NIBAN1: variants seen among roughly 807,000 people sequenced by gnomAD.
NIBAN1 encodes niban apoptosis regulator 1.
NIBAN1 carries 81 observed loss-of-function variants against 75.1 expected under a neutral mutation model. That is an observed-to-expected ratio of 1.08 (90% CI 0.90 to 1.30). The LOEUF (loss-of-function observed/expected upper bound fraction) is 1.30. Among genes scored for constraint, NIBAN1 ranks in the 50% most tolerant of loss-of-function variants. The pLI, the probability that NIBAN1 is intolerant of heterozygous loss-of-function variation, is 0.00. For missense variants in NIBAN1, 1,133 were observed against 1,128.1 expected, an observed-to-expected ratio of 1.00 and a Z score of -0.06; for synonymous variants, 436 against 424.8, an observed-to-expected ratio of 1.03 and a Z score of -0.32.
intron 1 of NIBAN1, among the ~76,000 whole-genome samples, chr1:184,901,340 T>C (rs1320560698): frequency 2.0e-5 from 3 of 152,216 alleles, no homozygotes; most frequent in Non-Finnish European, 4.4e-5. Context: ...TGCTTTTGCT[T>C]GCTCTGTGCA....
At chr1:184,824,538 G>C (rs1456192338) in intron 6 of NIBAN1, among the ~76,000 whole-genome samples, 2 of 152,200 alleles carry the variant, frequency 1.3e-5, no homozygotes, top group African/African-American at 4.8e-5. Context: ...AAAAGGGAAA[G>C]GCTGGCACTG....
At chr1:184,943,981 A>G (rs1658160710) in intron 1 of NIBAN1, among the ~76,000 whole-genome samples, 1 of 152,182 alleles carries the variant, frequency 6.6e-6, no homozygotes, top group Admixed American at 6.5e-5. Context: ...AGACATATGG[A>G]AAAATCATAC....
rs763205107 is a variant in NIBAN1, at chr1:184,823,641, A to T, written c.819T>A (p.Leu273=). The T allele has an allele frequency of 4.3e-6, 7 of 1,614,138 alleles. 1 individual carries two copies. In the South Asian group the frequency reaches 6.6e-5, roughly 15 times the overall value. Residue 273 remains leucine (L), a synonymous_variant, in exon 7 of 14, where the codon CTT becomes CTA. Coordinates refer to ENST00000367511, the MANE Select transcript of NIBAN1 (RefSeq NM_052966.4). ...GKKNDRKRTW[L]GLLEEAYTLV... is the part of the protein sequence containing the mutation. The stretch of plus-strand genomic sequence containing the variant: ...GTAGAGCAAAACCATTGCTTACACC[A>T]AGCCACGTCCTCTTTCTGTCATTCT...
intron 5 of NIBAN1, among the ~76,000 whole-genome samples, chr1:184,874,505 A>G (rs1656184951): frequency 6.6e-6 from 1 of 152,090 alleles, no homozygotes; most frequent in African/African-American, 2.4e-5. Context: ...GCCATTTCAT[A>G]ATGATAAAAA....
Position 184,791,046 on chromosome 1 carries a change from T to A in NIBAN1, c.*3931A>T, listed in dbSNP as rs555050123. On this transcript the variant is annotated 3_prime_UTR_variant, in exon 14 of 14. Transcript: ENST00000367511. ...CTGGTCAGCTCTTCAAGGATGAACA[T>A]TTTATTGGAATATAGGCACCTGGCA... 4.2e-6 allele frequency: 2 copies of A among 471,420 alleles called. No individual in the cohort carries two copies. Among genetic ancestry groups the A allele is most frequent in the East Asian group, 1.4e-4 (2 of 14,408 alleles). 29.2% of individuals were successfully genotyped at this position (471,420 alleles called of 1,614,324 possible). A position where few individuals can be genotyped will look rare whatever the true frequency, so the allele number is the denominator to read the frequency against.
At chr1:184,901,430 G>T (rs1361498215) in intron 1 of NIBAN1, among the ~76,000 whole-genome samples, 2 of 152,096 alleles carry the variant, frequency 1.3e-5, no homozygotes, top group African/African-American at 4.8e-5. Context: ...TGGTTATTAT[G>T]CTATCAGCTT....
chr1:184,891,029 A>G (rs901257724), intron 3 of NIBAN1, among the ~76,000 whole-genome samples: 2 of 152,224 alleles, frequency 1.3e-5, no homozygotes, highest in Non-Finnish European at 2.9e-5. Context: ...TTGAGACCCA[A>G]AATCTAGAAT....
At chr1:184,954,786 C>G (rs577778676) in intron 1 of NIBAN1, among the ~76,000 whole-genome samples, 1 of 152,174 alleles carries the variant, frequency 6.6e-6, no homozygotes, top group Non-Finnish European at 1.5e-5. Flanking sequence ...GTGTGGAGAC[C>G]TGAATTCCAA....
chr1:184,924,730 G>T, intron 1 of NIBAN1, among the ~76,000 whole-genome samples: 1 of 152,050 alleles, frequency 6.6e-6, no homozygotes, highest in East Asian at 1.9e-4. Context: ...GTCTGTTCAA[G>T]TTTTGAATTT....
chr1:184,841,498 GA>G (rs1411872069), intron 5 of NIBAN1, among the ~76,000 whole-genome samples: 1 of 152,128 alleles, frequency 6.6e-6, no homozygotes, highest in African/African-American at 2.4e-5. Flanking sequence ...TTAAAATAAA[GA>G]AAAAAGTGGA....
chr1:184,908,633 G>T (rs1200290442), intron 1 of NIBAN1, among the ~76,000 whole-genome samples: 2 of 152,142 alleles, frequency 1.3e-5, no homozygotes. Context: ...ATACATTTAT[G>T]CACACATCTT....
At chr1:184,881,763 C>T (rs1311685513) in intron 5 of NIBAN1, among the ~76,000 whole-genome samples, 1 of 152,158 alleles carries the variant, frequency 6.6e-6, no homozygotes, top group African/African-American at 2.4e-5. Flanking sequence ...TATTTGTAAA[C>T]TGTCATGGCA....
chr1:184,936,843 A>G (rs1657974080), intron 1 of NIBAN1, among the ~76,000 whole-genome samples: 1 of 152,168 alleles, frequency 6.6e-6, no homozygotes, highest in Non-Finnish European at 1.5e-5. Flanking sequence ...TAACATTTAC[A>G]AGTTCCAGGG....
rs1161895721 is a variant in NIBAN1, at chr1:184,960,625, G to GTTGTTA, written c.55+13676_55+13677insTAACAA. Among the ~76,000 whole-genome samples, 56 of 61,292 alleles carry GTTGTTA rather than the reference G, an allele frequency of 9.1e-4. No homozygotes were observed. The Middle Eastern group carries it at 0.05, about 55-fold the overall frequency. 40.2% of individuals were successfully genotyped at this position (61,292 alleles called of 152,430 possible). A position where few individuals can be genotyped will look rare whatever the true frequency, so the allele number is the denominator to read the frequency against. On this transcript the variant is annotated intron_variant, in intron 1 of 13. Coordinates refer to ENST00000367511, the MANE Select transcript of NIBAN1 (RefSeq NM_052966.4). ...ACAACACCAACAACAACAACAAAATGTTGTTGTTGTTGTTGTTGTTGAGAC... is the reference window on the plus strand; with the variant it reads ...ACAACACCAACAACAACAACAAAATGTTGTTATTGTTGTTGTTGTTGTTGTTGAGAC...
intron 5 of NIBAN1, among the ~76,000 whole-genome samples, chr1:184,843,392 C>A (rs1655349062): frequency 6.6e-6 from 1 of 151,996 alleles, no homozygotes; most frequent in Non-Finnish European, 1.5e-5. Flanking sequence ...ATGAAAATGA[C>A]CCACACTCCA....
In NIBAN1 at chr1:184,931,694, C is replaced by T. The variant is rs1476091966; in HGVS notation, c.56-32385G>A. Among the ~76,000 whole-genome samples, 9 of 152,184 alleles carry T rather than the reference C, an allele frequency of 5.9e-5. 1 individual carries two copies. Among genetic ancestry groups the T allele is most frequent in the African/African-American group, 2.2e-4 (9 of 41,444 alleles). ...GTTGAGTTGCATTTTGCTACACAGA[C>T]ATGTGCAAAGAATTGTCTATCTTAT... is the stretch of plus-strand genomic sequence containing the variant. On this transcript the variant is annotated intron_variant, in intron 1 of 13. Coordinates refer to ENST00000367511, the MANE Select transcript of NIBAN1 (RefSeq NM_052966.4).
intron 5 of NIBAN1, 126 bp downstream of exon 5, chr1:184,884,507 G>T: frequency 1.6e-6 from 2 of 1,287,568 alleles, no homozygotes; most frequent in South Asian, 1.5e-5. Context: ...TTACAGGCAT[G>T]AGCCACCGCA....
At chr1:184,954,533 A>C (rs1364321821) in intron 1 of NIBAN1, among the ~76,000 whole-genome samples, 1 of 152,208 alleles carries the variant, frequency 6.6e-6, no homozygotes. Flanking sequence ...GGAGTCAAGC[A>C]CGAGCCTGTC....
intron 1 of NIBAN1, among the ~76,000 whole-genome samples, chr1:184,945,236 A>G (rs1367227634): frequency 6.6e-6 from 1 of 152,216 alleles, no homozygotes; most frequent in African/African-American, 2.4e-5. Flanking sequence ...TGCTACTTGG[A>G]GAGATACCAG....
Sources: gnomAD v4.1 joint callset for allele counts (sites outside exome capture counted in the v4.1 genomes callset) on GRCh38, gnomAD v4.1.1 for gene constraint, MANE v1.5 for transcripts, NCBI Gene and HGNC (gene_info 2026-07-23, HGNC 2026-07-21) for gene names.